NAV2: variants seen among roughly 807,000 people sequenced by gnomAD.
NAV2 encodes the protein helicase, APC down-regulated 1.
NAV2 carries 54 observed loss-of-function variants against 223.2 expected under a neutral mutation model. The ratio of observed to expected loss-of-function variants is 0.24; its 90% CI spans 0.19 to 0.30. The LOEUF is 0.30. Among genes scored for constraint, NAV2 ranks in the 10% least tolerant of loss-of-function variants. The pLI is 1.00. For synonymous variants in NAV2, 1,279 were observed against 1,239.3 expected, an observed-to-expected ratio of 1.03 and a Z score of -0.67; for missense variants, 2,806 against 3,147.5, an observed-to-expected ratio of 0.89 and a Z score of 2.60.
chr11:19,812,175 G>A (rs2058867711), intron 1 of NAV2, among the ~76,000 whole-genome samples: 1 of 151,708 alleles, frequency 6.6e-6, no homozygotes, highest in South Asian at 2.1e-4. Flanking sequence ...GATTCAATAG[G>A]CCTGGAGTGG....
chr11:20,105,588 G>A lies in NAV2; in HGVS notation c.6702G>A (p.Leu2234=). The change falls in exon 35 of 38, where the codon CTG becomes CTA. Residue 2234 remains leucine (L), a synonymous_variant. Transcript: ENST00000349880. Reference sequence around the variant, plus strand: ...TGAAGGGTTTCCTTGGCCGATTCCTGAGGAGGAAGCTCATGGAAACAGAGA... The same window carrying A: ...TGAAGGGTTTCCTTGGCCGATTCCTAAGGAGGAAGCTCATGGAAACAGAGA... ...EPVKGFLGRF[L]RRKLMETEIS... 6.2e-7 allele frequency: 1 copy of A among 1,614,084 alleles called. No individual in the cohort carries two copies. Among genetic ancestry groups the A allele is most frequent in the South Asian group, 1.1e-5 (1 of 91,072 alleles).
intron 1 of NAV2, among the ~76,000 whole-genome samples, chr11:19,552,615 C>A (rs1003076199): frequency 6.6e-6 from 1 of 152,170 alleles, no homozygotes; most frequent in Non-Finnish European, 1.5e-5. Context: ...CAACATTAAG[C>A]GGAACCACTC....
At chr11:19,537,194 T>C (rs551166477) in intron 1 of NAV2, among the ~76,000 whole-genome samples, 1 of 152,264 alleles carries the variant, frequency 6.6e-6, no homozygotes, top group South Asian at 2.1e-4. Flanking sequence ...CACTACTATA[T>C]GTGATATTTT....
At chr11:19,616,657 G>A (rs919080531) in intron 1 of NAV2, among the ~76,000 whole-genome samples, 12 of 151,846 alleles carry the variant, frequency 7.9e-5, no homozygotes, top group Admixed American at 2.6e-4. Context: ...TGTCCTGCAT[G>A]CCCTGAGACC....
At chr11:19,434,234 C>A (rs1213126665) in intron 1 of NAV2, among the ~76,000 whole-genome samples, 1 of 152,076 alleles carries the variant, frequency 6.6e-6, no homozygotes, top group Non-Finnish European at 1.5e-5. Context: ...GAAATTGGAC[C>A]AAGGCATCAG....
rs556829978 is a variant in NAV2 at position 20,107,771 on chromosome 11, G to A, written c.6949G>A (p.Glu2317Lys). The A allele has an allele frequency of 1.2e-6, 2 of 1,612,568 alleles. No homozygotes were observed. Among genetic ancestry groups the A allele is most frequent in the African/African-American group, 1.3e-5 (1 of 75,048 alleles). The change falls in exon 36 of 38, where the codon GAA becomes AAA. Residue 2317 changes from glutamate to lysine, a missense_variant. Physicochemically the swap from Glu to Lys is moderately conservative, Grantham distance 56 (BLOSUM62 1). Transcript: ENST00000349880. Reference sequence around the variant, plus strand: ...CCCCTATCTCCTGGAAGCCGTCAGAGAAGGACTCCAGGTGAGAAGACACCC... The same window carrying A: ...CCCCTATCTCCTGGAAGCCGTCAGAAAAGGACTCCAGGTGAGAAGACACCC... ...IIPYLLEAVR[E>K]GLQLYGRRAP...
At position 19,409,166 on chromosome 11, in the gene NAV2, A is replaced by G. The variant is rs574185584; in HGVS notation, c.75+58139A>G. ...TCATTGGCCCACCCCATGTCAGCCA[A>G]GCCTTTGGGAAACTAGAAAGATGGT... On this transcript the variant is annotated intron_variant, in intron 1 of 37. Coordinates refer to the NAV2 transcript ENST00000360655. Among the ~76,000 whole-genome samples, 31 of 152,294 alleles carry G rather than the reference A, an allele frequency of 2.0e-4. No homozygotes were observed. In the South Asian group the frequency reaches 6.4e-3, roughly 32 times the overall value.
At position 20,055,974 on chromosome 11, in the gene NAV2, A is replaced by C. The variant is rs1362539977; in HGVS notation, c.4831+17A>C. ...TTGAAGAAGGTAAGGAAGGAAAGGA[A>C]GAAGGTAAGGAAGGAAACTTCCATC... On this transcript the variant is annotated intron_variant, in intron 19 of 37. Transcript: ENST00000349880. 1.2e-6 allele frequency: 2 copies of C among 1,607,378 alleles called. No individual in the cohort carries two copies. Among genetic ancestry groups the C allele is most frequent in the African/African-American group, 2.7e-5 (2 of 74,884 alleles).
chr11:19,859,137 C>CTTTTTTT (rs569446282), intron 3 of NAV2, among the ~76,000 whole-genome samples: 71 of 107,078 alleles, frequency 6.6e-4, no homozygotes, highest in Non-Finnish European at 7.8e-4. Context: ...ATCATATTCT[C>CTTTTTTT]TTTTTTTTTT....
intron 10 of NAV2, among the ~76,000 whole-genome samples, chr11:19,971,972 G>A (rs1202012305): frequency 2.6e-5 from 4 of 152,172 alleles, no homozygotes; most frequent in Non-Finnish European, 5.9e-5. Flanking sequence ...CAAAGTGCTG[G>A]GATTACAGGC....
intron 1 of NAV2, among the ~76,000 whole-genome samples, chr11:19,479,827 G>C (rs559526234): frequency 6.6e-6 from 1 of 152,200 alleles, no homozygotes; most frequent in Admixed American, 6.5e-5. Flanking sequence ...TGCCTGCTAC[G>C]CTAACCCCTA....
rs371135207 is a variant in NAV2 at position 19,618,354 on chromosome 11, C to CTGGATGGATGGATGGA, written c.76-214103_76-214088dup. ...GATGGATGGATTGCTTGATGGATTG[C>CTGGATGGATGGATGGA]TGGATGGATGGATGGATGGATGGAT... On this transcript the variant is annotated intron_variant, in intron 1 of 37. Coordinates refer to the NAV2 transcript ENST00000360655. 9.3e-4 allele frequency among the ~76,000 whole-genome samples: 99 copies of CTGGATGGATGGATGGA among 106,168 alleles called. 2 individuals are homozygous for CTGGATGGATGGATGGA. Among genetic ancestry groups the CTGGATGGATGGATGGA allele is most frequent in the Admixed American group, 9.3e-3 (92 of 9,924 alleles). 69.7% of individuals were successfully genotyped at this position (106,168 alleles called of 152,430 possible). A position where few individuals can be genotyped will look rare whatever the true frequency, so the allele number is the denominator to read the frequency against.
At chr11:19,655,168 C>A (rs367796733) in intron 1 of NAV2, among the ~76,000 whole-genome samples, 56 of 152,232 alleles carry the variant, frequency 3.7e-4, no homozygotes, top group African/African-American at 1.3e-3. Flanking sequence ...CCATCAGAGA[C>A]ATGCAAATCA....
At chr11:20,115,993 C>G (rs1308051787) in intron 37 of NAV2, among the ~76,000 whole-genome samples, 2 of 152,188 alleles carry the variant, frequency 1.3e-5, no homozygotes, top group East Asian at 3.9e-4. Context: ...AAGACCCACA[C>G]AGAGTCACAC....
intron 1 of NAV2, chr11:19,506,494 C>G (rs1405504844): frequency 6.6e-6 from 1 of 152,206 alleles, no homozygotes; most frequent in Non-Finnish European, 1.5e-5. Flanking sequence ...GCCTCAATGT[C>G]CTCAACTGTG....
At chr11:19,865,751 A>T (rs774107370) in intron 3 of NAV2, among the ~76,000 whole-genome samples, 2 of 151,822 alleles carry the variant, frequency 1.3e-5, no homozygotes, top group Non-Finnish European at 2.9e-5. Flanking sequence ...CAGACCAGCC[A>T]TCTGGTTTTG....
intron 1 of NAV2, among the ~76,000 whole-genome samples, chr11:19,722,721 T>C (rs866705914): frequency 7.9e-5 from 12 of 152,138 alleles, no homozygotes; most frequent in South Asian, 4.2e-4. Context: ...CAGTAGTAAA[T>C]AGATATTGAA....
intron 1 of NAV2, among the ~76,000 whole-genome samples, chr11:19,794,758 T>A (rs1053712088): frequency 6.6e-6 from 1 of 152,120 alleles, no homozygotes; most frequent in Admixed American, 6.5e-5. Flanking sequence ...AATGCCAACC[T>A]CCTTTCCCTC....
chr11:19,522,242 A>G (rs532614303), intron 1 of NAV2, among the ~76,000 whole-genome samples: 1 of 145,966 alleles, frequency 6.9e-6, no homozygotes, highest in East Asian at 2.0e-4. Context: ...CAGGCTCAAA[A>G]TGAAGCCACA....
Sources: gnomAD v4.1 joint callset for allele counts (sites outside exome capture counted in the v4.1 genomes callset) on GRCh38, gnomAD v4.1.1 for gene constraint, MANE v1.5 for transcripts, NCBI Gene and HGNC (gene_info 2026-07-23, HGNC 2026-07-21) for gene names.